Variants in COL4A6 observed in about 807,000 individuals in gnomAD.
COL4A6 encodes collagen type IV alpha 6 chain, also known as collagen alpha-6(IV) chain.
COL4A6 carries 59 observed loss-of-function variants against 126.7 expected under a neutral mutation model. That is an observed-to-expected ratio of 0.47 (90% CI 0.38 to 0.58). The LOEUF is 0.58. Ranked by LOEUF, COL4A6 falls within the 20% of genes least tolerant of loss-of-function variation. The probability of loss-of-function intolerance (pLI) is 0.00; values close to 1 mark genes in which losing one functional copy is unlikely to be tolerated. For missense variants in COL4A6, 1,285 were observed against 1,337.3 expected (o/e 0.96, Z 0.61); for synonymous variants, 547 against 496.6 (o/e 1.10, Z -1.35).
intron 2 of COL4A6, among the ~76,000 whole-genome samples, chrX:108,398,014 A>G (rs1430136328): frequency 8.9e-6 from 1 of 112,810 alleles, no homozygotes; most frequent in African/African-American, 3.2e-5. Flanking sequence ...AGACGATGTG[A>G]GAGTTTAGTC....
chrX:108,397,421 C>T (rs765738024), intron 2 of COL4A6, among the ~76,000 whole-genome samples: 2 of 111,129 alleles, frequency 1.8e-5, no homozygotes, highest in South Asian at 3.8e-4. Context: ...CAGGCGTGCA[C>T]TTTTGTTTAT....
chrX:108,265,413 A>G (rs1259647561), intron 3 of COL4A6, among the ~76,000 whole-genome samples: 1 of 109,288 alleles, frequency 9.2e-6, no homozygotes, highest in Non-Finnish European at 1.9e-5. Flanking sequence ...ACAAACATGG[A>G]ACTTATATCT....
chrX:108,204,538 T>C (rs1001465741), intron 11 of COL4A6, 126 bp from the exon 12 acceptor site: 2 of 605,507 alleles, frequency 3.3e-6, no homozygotes, highest in Non-Finnish European at 5.7e-6. Flanking sequence ...TTCACCCTCA[T>C]GCCAATGAGG....
chrX:108,393,108 T>A (rs1393763736), intron 2 of COL4A6, among the ~76,000 whole-genome samples: 1 of 111,713 alleles, frequency 9.0e-6, no homozygotes, highest in Non-Finnish European at 1.9e-5. Context: ...AGAATTGTGA[T>A]TTGACCTATC....
intron 2 of COL4A6, among the ~76,000 whole-genome samples, chrX:108,320,749 C>T: frequency 8.9e-6 from 1 of 112,045 alleles, no homozygotes; most frequent in African/African-American, 3.2e-5. Flanking sequence ...AATGGCTGCT[C>T]ATTCCTGGTT....
intron 3 of COL4A6, among the ~76,000 whole-genome samples, chrX:108,263,351 G>A (rs2147730908): frequency 9.0e-6 from 1 of 111,648 alleles, no homozygotes; most frequent in East Asian, 2.8e-4. Flanking sequence ...AAGTTTCCAA[G>A]GGGATACCAA....
chrX:108,439,038 T>C (rs926147025), upstream of COL4A6, among the ~76,000 whole-genome samples: 1 of 112,500 alleles, frequency 8.9e-6, no homozygotes, highest in African/African-American at 3.2e-5. Flanking sequence ...ATATGGGAGA[T>C]ATCGATTCAG....
At chrX:108,418,513 T>C (rs779031987) in intron 2 of COL4A6, among the ~76,000 whole-genome samples, 1 of 111,907 alleles carries the variant, frequency 8.9e-6, no homozygotes, top group East Asian at 2.8e-4. Flanking sequence ...AAAATCAACC[T>C]GATAGCTACA....
At chrX:108,205,250 A>G (rs2035513531) in intron 11 of COL4A6, among the ~76,000 whole-genome samples, 189 bp downstream of exon 11, 1 of 111,270 alleles carries the variant, frequency 9.0e-6, no homozygotes, top group African/African-American at 3.3e-5. Flanking sequence ...AAGAACCACA[A>G]TAGCCCATGT....
At chrX:108,424,910 G>C (rs2064045678) in intron 2 of COL4A6, among the ~76,000 whole-genome samples, 1 of 110,227 alleles carries the variant, frequency 9.1e-6, no homozygotes, top group Non-Finnish European at 1.9e-5. Flanking sequence ...CACTCTGGGG[G>C]CTGAGGCAGG....
intron 5 of COL4A6, among the ~76,000 whole-genome samples, chrX:108,216,371 C>T (rs892399269): frequency 8.9e-6 from 1 of 111,956 alleles, no homozygotes; most frequent in Non-Finnish European, 1.9e-5. Flanking sequence ...CAGCTTGAGC[C>T]TCAGTTCCCT....
intron 26 of COL4A6, 87 bp downstream of exon 26, chrX:108,179,130 C>T (rs1010447156): frequency 1.1e-6 from 1 of 893,452 alleles, no homozygotes; most frequent in Non-Finnish European, 1.6e-6. Flanking sequence ...AACCATCACC[C>T]CAGATTCATG....
chrX:108,360,072 C>A (rs2040049247), intron 2 of COL4A6, among the ~76,000 whole-genome samples: 1 of 111,676 alleles, frequency 9.0e-6, no homozygotes, highest in African/African-American at 3.3e-5. Flanking sequence ...TGCAGTACTA[C>A]CAACTAATCT....
chrX:108,268,832 C>T, intron 3 of COL4A6: 2 of 143,549 alleles, frequency 1.4e-5, no homozygotes, highest in South Asian at 1.7e-4. Context: ...ATTTTTTCTC[C>T]AGCAGCAACT....
In COL4A6 at chrX:108,434,421, GCCT is replaced by G. The variant is rs1198220376; in HGVS notation, c.63+3518_63+3520del. On this transcript the variant is annotated intron_variant, in intron 2 of 44. Coordinates refer to ENST00000334504, the MANE Select transcript of COL4A6 (RefSeq NM_033641.4). ...GTTCTCAAGCAATCCTCCTGCCTCA[GCCT>G]CCTCCTAAGTAGCTGGGACTACAGG... 2.7e-5 allele frequency among the ~76,000 whole-genome samples: 3 copies of G among 110,392 alleles called. No individual in the cohort carries two copies. In the East Asian group the frequency reaches 8.5e-4, roughly 31 times the overall value.
At chrX:108,174,086 C>T (rs1780847042) in intron 31 of COL4A6, among the ~76,000 whole-genome samples, 1 of 112,233 alleles carries the variant, frequency 8.9e-6, no homozygotes, top group Non-Finnish European at 1.9e-5. Flanking sequence ...ACAGAAGCAA[C>T]TAGAATTGAT....
intron 2 of COL4A6, among the ~76,000 whole-genome samples, chrX:108,363,933 C>T (rs979645437): frequency 9.0e-6 from 1 of 110,745 alleles, no homozygotes; most frequent in Admixed American, 9.6e-5. Flanking sequence ...TGCAGTGGTG[C>T]GATCTTGGCT....
intron 39 of COL4A6, 33 bp from the exon 40 acceptor site, chrX:108,164,731 C>T (rs367655387): frequency 2.8e-5 from 33 of 1,197,684 alleles, no homozygotes; most frequent in East Asian, 5.9e-5. Context: ...AGTCAGGTCC[C>T]GGCATGGTAG....
chrX:108,356,516 A>C (rs2039964397), intron 2 of COL4A6, among the ~76,000 whole-genome samples: 1 of 110,846 alleles, frequency 9.0e-6, no homozygotes, highest in Admixed American at 9.6e-5. Flanking sequence ...TAGGAAGTAA[A>C]TAGGTTTGAA....
Sources: allele counts gnomAD v4.1 joint callset (sites outside exome capture counted in the v4.1 genomes callset), GRCh38; gene constraint gnomAD v4.1.1; transcripts MANE v1.5; gene names NCBI Gene and HGNC (gene_info 2026-07-23, HGNC 2026-07-21).